Variants in NHLRC2 observed in about 807,000 individuals in gnomAD.
The protein encoded by NHLRC2 is NHL repeat-containing protein 2.
NHLRC2 carries 33 observed loss-of-function variants against 68.1 expected under a neutral mutation model. That is an observed-to-expected ratio of 0.48 (90% CI 0.37 to 0.65). NHLRC2 has a LOEUF of 0.65. Ranked by LOEUF, NHLRC2 falls within the 30% of genes least tolerant of loss-of-function variation. The pLI is 0.00. For missense variants in NHLRC2, 761 were observed against 853.8 expected (o/e 0.89, Z 1.35); for synonymous variants, 311 against 309.6 (o/e 1.00, Z -0.05).
intron 5 of NHLRC2, among the ~76,000 whole-genome samples, chr10:113,889,352 T>C (rs1377295080): frequency 6.6e-6 from 1 of 152,156 alleles, no homozygotes. Flanking sequence ...CTTCAATAAA[T>C]GCTTCTCTGA....
intron 5 of NHLRC2, among the ~76,000 whole-genome samples, chr10:113,894,724 A>G (rs981621635): frequency 6.6e-6 from 1 of 152,028 alleles, no homozygotes; most frequent in Non-Finnish European, 1.5e-5. Flanking sequence ...TGTTCTTTAT[A>G]AGATTAAATA....
At chr10:113,889,398 A>G (rs1486454142) in intron 5 of NHLRC2, among the ~76,000 whole-genome samples, 1 of 152,154 alleles carries the variant, frequency 6.6e-6, no homozygotes, top group Admixed American at 6.6e-5. Flanking sequence ...TACCATGAAA[A>G]TATTTTTGCT....
chr10:113,861,059 C>T (rs1369487820), intron 2 of NHLRC2, among the ~76,000 whole-genome samples: 1 of 152,104 alleles, frequency 6.6e-6, no homozygotes, highest in Non-Finnish European at 1.5e-5. Context: ...GTCATACCCT[C>T]ATAGGTCAGG....
Position 113,884,374 on chromosome 10 carries a change from A to G in NHLRC2, c.1033A>G (p.Thr345Ala). The G allele has an allele frequency of 6.2e-7, 1 of 1,607,796 alleles. No individual in the cohort carries two copies. Among genetic ancestry groups the G allele is most frequent in the Non-Finnish European group, 8.5e-7 (1 of 1,175,758 alleles). The stretch of plus-strand genomic sequence containing the variant: ...TTCCCCTTGGGATGTAGTTTTTGGA[A>G]CATCAGGTATGTGAACTTTTGATAT... Reference protein sequence around the residue: ...ISSPWDVVFGTSGSEVQRGDI... With the variant: ...ISSPWDVVFGASGSEVQRGDI... Residue 345 changes from threonine (T) to alanine (A), a missense_variant, in exon 5 of 11, where the codon ACA (threonine) becomes GCA (alanine). Physicochemically the swap from Thr to Ala is moderately conservative, Grantham distance 58. Transcript: ENST00000369301.
Position 113,901,688 on chromosome 10 carries a change from C to T in NHLRC2, c.1162C>T (p.Leu388Phe). The change falls in exon 7 of 11, where the codon CTT becomes TTT. Residue 388 changes from leucine (L) to phenylalanine (F), a missense_variant. Transcript: ENST00000369301. ...CAGTGAGTTAACAAAAGGAACCTGCCTTAGGTTTGCTGGAAGTGGAAATGA... is the reference window on the plus strand; with the variant it reads ...CAGTGAGTTAACAAAAGGAACCTGCTTTAGGTTTGCTGGAAGTGGAAATGA... ...KKNELTKGTC[L>F]RFAGSGNEEN... The T allele has an allele frequency of 6.2e-7, 1 of 1,614,002 alleles. No individual in the cohort carries two copies. The highest frequency in any genetic ancestry group is 1.1e-5 in the South Asian group (1 of 91,082).
intron 2 of NHLRC2, among the ~76,000 whole-genome samples, chr10:113,867,507 C>T (rs1187457473): frequency 6.6e-6 from 1 of 152,056 alleles, no homozygotes; most frequent in Non-Finnish European, 1.5e-5. Flanking sequence ...TTCCATTGTT[C>T]TTAGTATAAA....
rs768241731 is a variant in NHLRC2, at chr10:113,876,580, A to G, written c.391A>G (p.Asn131Asp). The part of the protein sequence containing the change: ...AKFPNEKVLD[N>D]IKSAVLRYNI... ...GTTTCCAAATGAAAAAGTCCTGGAT[A>G]ACATTAAGAGTGCTGTTCTTCGATA... is the stretch of plus-strand genomic sequence containing the variant. Residue 131 changes from asparagine to aspartate, a missense_variant, in exon 3 of 11, where the codon AAC becomes GAC. Asn to Asp is a conservative substitution (Grantham distance 23). Coordinates refer to ENST00000369301, the MANE Select transcript of NHLRC2 (RefSeq NM_198514.4). 1 of 1,612,766 alleles carries G rather than the reference A, an allele frequency of 6.2e-7. No individual in the cohort carries two copies. The highest frequency in any genetic ancestry group is 8.5e-7 in the Non-Finnish European group (1 of 1,179,262).
intron 2 of NHLRC2, among the ~76,000 whole-genome samples, chr10:113,862,485 A>G (rs1050251600): frequency 7.0e-6 from 1 of 141,926 alleles, no homozygotes; most frequent in African/African-American, 2.6e-5. Context: ...TCAACTAAAC[A>G]AAAAAAAAAA....
chr10:113,910,217 T>C lies in NHLRC2; in HGVS notation c.*1681T>C, dbSNP rs561205765. ...GGCCTTAGTTATTTTATTTTATTTT[T>C]GAGACGTAGTCTGGCTCTGTAGCCC... is the stretch of plus-strand genomic sequence containing the variant. On this transcript the variant is annotated 3_prime_UTR_variant, in exon 11 of 11. Transcript: ENST00000369301. 6.6e-6 allele frequency: 1 copy of C among 152,366 alleles called. No homozygotes were observed. Among genetic ancestry groups the C allele is most frequent in the African/African-American group, 2.4e-5 (1 of 41,586 alleles). The allele number at this position is 152,366 out of a possible 1,614,324, so 9.4% of individuals were successfully genotyped here. A position where few individuals can be genotyped will look rare whatever the true frequency, so the allele number is the denominator to read the frequency against.
At chr10:113,898,313 G>A in intron 6 of NHLRC2, 104 bp downstream of exon 6, 1 of 678,590 alleles carries the variant, frequency 1.5e-6, no homozygotes, top group Admixed American at 2.4e-5. Flanking sequence ...GATGTGCTAG[G>A]TTGTACTGCC....
rs142088786 is a variant in NHLRC2 at position 113,895,271 on chromosome 10, T to C, written c.1040-2839T>C. ...GGGGAAAGTTTACTCATTCAACAAATACCTACTGAGCATTTGGCATGTGCC... is the reference window on the plus strand; with the variant it reads ...GGGGAAAGTTTACTCATTCAACAAACACCTACTGAGCATTTGGCATGTGCC... On this transcript the variant is annotated intron_variant, in intron 5 of 10. Coordinates refer to ENST00000369301, the MANE Select transcript of NHLRC2 (RefSeq NM_198514.4). Among the ~76,000 whole-genome samples the C allele has an allele frequency of 4.5e-3, 683 of 152,352 alleles. 2 individuals are homozygous for C. The highest frequency in any genetic ancestry group is 8.5e-3 in the South Asian group (41 of 4,830).
intron 2 of NHLRC2, among the ~76,000 whole-genome samples, chr10:113,865,080 G>T (rs1845852683): frequency 6.6e-6 from 1 of 151,778 alleles, no homozygotes; most frequent in African/African-American, 2.4e-5. Context: ...CTCCCGAGTA[G>T]CTGGGACTAC....
chr10:113,881,425 A>G (rs1391694303), intron 4 of NHLRC2, among the ~76,000 whole-genome samples: 4 of 151,924 alleles, frequency 2.6e-5, no homozygotes, highest in Non-Finnish European at 5.9e-5. Context: ...TAAAAATACA[A>G]GAATATTTAT....
In NHLRC2 at chr10:113,904,944, G is replaced by A. The variant is rs1178246422; in HGVS notation, c.1832G>A (p.Gly611Asp). The part of the protein sequence containing the change: ...IRLSPVTACA[G>D]QTLQFKLRLD... ...CTTTCCCCCGTGACTGCGTGTGCTG[G>A]CCAGACTCTTCAGTTCAAACTCAGA... Residue 611 changes from glycine to aspartate, a missense_variant, in exon 10 of 11, where the codon GGC becomes GAC. Coordinates refer to ENST00000369301, the MANE Select transcript of NHLRC2 (RefSeq NM_198514.4). 1 of 1,592,896 alleles carries A rather than the reference G, an allele frequency of 6.3e-7. No homozygotes were observed.
intron 7 of NHLRC2, 70 bp downstream of exon 7, chr10:113,901,967 A>C (rs1383404833): frequency 1.8e-6 from 2 of 1,094,722 alleles, no homozygotes; most frequent in African/African-American, 3.1e-5. Flanking sequence ...AATTATGGAA[A>C]GTTAATAAGA....
chr10:113,888,412 G>T (rs1846101974), intron 5 of NHLRC2, among the ~76,000 whole-genome samples: 1 of 152,148 alleles, frequency 6.6e-6, no homozygotes, highest in Non-Finnish European at 1.5e-5. Context: ...ACATGACATT[G>T]TACCCCACGA....
At chr10:113,902,279 A>G (rs1159717599) in intron 7 of NHLRC2, among the ~76,000 whole-genome samples, 192 bp from the exon 8 acceptor site, 1 of 152,218 alleles carries the variant, frequency 6.6e-6, no homozygotes, top group Admixed American at 6.5e-5. Flanking sequence ...ACCACCAATT[A>G]ATACAGGTTC....
At chr10:113,889,772 T>A (rs1175367531) in intron 5 of NHLRC2, among the ~76,000 whole-genome samples, 2 of 152,260 alleles carry the variant, frequency 1.3e-5, no homozygotes, top group Middle Eastern at 3.4e-3. Context: ...GCAGCAGTGA[T>A]CTCTTTCCTG....
chr10:113,874,102 C>A (rs556370151), intron 2 of NHLRC2, among the ~76,000 whole-genome samples: 21 of 151,400 alleles, frequency 1.4e-4, no homozygotes, highest in African/African-American at 4.9e-4. Context: ...TTTTCATAAT[C>A]TCTTCTGATA....
Sources: allele counts gnomAD v4.1 joint callset (sites outside exome capture counted in the v4.1 genomes callset), GRCh38; gene constraint gnomAD v4.1.1; transcripts MANE v1.5; gene names NCBI Gene and HGNC (gene_info 2026-07-23, HGNC 2026-07-21).